GALNT9: variants seen among roughly 807,000 people sequenced by gnomAD.
The protein encoded by GALNT9 is polypeptide N-acetylgalactosaminyltransferase 9.
A neutral mutation model predicts 63.1 loss-of-function variants in GALNT9; 47 were observed. The ratio of observed to expected loss-of-function variants is 0.75; its 90% CI spans 0.59 to 0.95. The LOEUF (loss-of-function observed/expected upper bound fraction) is 0.95. Ranked by LOEUF, GALNT9 falls within the 40% of genes least tolerant of loss-of-function variation. The pLI, the probability that GALNT9 is intolerant of heterozygous loss-of-function variation, is 0.00. For missense variants in GALNT9, 829 were observed against 874.8 expected, an observed-to-expected ratio of 0.95 and a Z score of 0.66; for synonymous variants, 396 against 365.7, an observed-to-expected ratio of 1.08 and a Z score of -0.94.
At chr12:132,263,340 A>G (rs1879474659) in intron 2 of GALNT9, among the ~76,000 whole-genome samples, 1 of 152,254 alleles carries the variant, frequency 6.6e-6, no homozygotes, top group Non-Finnish European at 1.5e-5. Context: ...ACTCATCTGT[A>G]GAGGAAAAAG....
chr12:132,297,060 T>A (rs1881099647), intron 1 of GALNT9, among the ~76,000 whole-genome samples: 1 of 144,108 alleles, frequency 6.9e-6, no homozygotes, highest in South Asian at 2.2e-4. Flanking sequence ...GATAACTAAC[T>A]CACTCCGAAG....
chr12:132,258,978 G>T (rs1879260698), intron 4 of GALNT9, among the ~76,000 whole-genome samples: 3 of 152,352 alleles, frequency 2.0e-5, no homozygotes, highest in Admixed American at 2.0e-4. Flanking sequence ...CATGGGGAGA[G>T]GCAAGGCCCT....
chr12:132,327,171 A>C lies in GALNT9; in HGVS notation c.238+1795T>G, dbSNP rs1444374193. On this transcript the variant is annotated intron_variant, in intron 1 of 10. Coordinates refer to ENST00000328957, the MANE Select transcript of GALNT9 (RefSeq NM_001122636.2). This position sits in a 1 kb window ranked among gnomAD's most constrained non-coding sequence, Gnocchi z 4.3. The stretch of plus-strand genomic sequence containing the variant: ...CAAGGGAGGACAGCTAGGATGAAGG[A>C]AAGAAGGAGAAACAATTTTAAAAGA... 6.6e-6 allele frequency among the ~76,000 whole-genome samples: 1 copy of C among 152,040 alleles called. No homozygotes were observed. The highest frequency in any genetic ancestry group is 2.4e-5 in the African/African-American group (1 of 41,394).
At chr12:132,273,986 C>T (rs1291130438) in intron 2 of GALNT9, 1 of 152,690 alleles carries the variant, frequency 6.5e-6, no homozygotes, top group Non-Finnish European at 1.5e-5. Flanking sequence ...CCAGCTCGCT[C>T]CTGCTCCCAC....
chr12:132,253,159 A>G (rs1184904505), intron 5 of GALNT9, among the ~76,000 whole-genome samples: 1 of 152,224 alleles, frequency 6.6e-6, no homozygotes, highest in African/African-American at 2.4e-5. Flanking sequence ...GCTATCTACT[A>G]CGAACTCCAA....
In GALNT9 at chr12:132,197,793, TG is replaced by T; in HGVS notation, c.1663del (p.Gln555ArgfsTer6). On this transcript the variant is annotated frameshift_variant and splice_region_variant, in exon 10 of 11. Coordinates refer to ENST00000328957, the MANE Select transcript of GALNT9 (RefSeq NM_001122636.2). LOFTEE classifies it high-confidence loss of function. ...GGCCCCCCTTCCCCAGAGGCTGACC[TG>T]GGTGAAGTCCCACAGCCGCTGTGTT... ...RPTQRLWDFTQSGPIVSRATG... is the reference protein window; with the variant it reads ...RPTQRLWDFTXSGPIVSRATG... The T allele has an allele frequency of 1.6e-6, 2 of 1,223,222 alleles. No individual in the cohort carries two copies. Among genetic ancestry groups the T allele is most frequent in the Non-Finnish European group, 2.2e-6 (2 of 893,768 alleles). 75.8% of individuals were successfully genotyped at this position (1,223,222 alleles called of 1,614,324 possible). A position where few individuals can be genotyped will look rare whatever the true frequency, so the allele number is the denominator to read the frequency against.
chr12:132,246,258 G>A lies in GALNT9; in HGVS notation c.1077+1652C>T, dbSNP rs1201378426. 6.6e-6 allele frequency among the ~76,000 whole-genome samples: 1 copy of A among 152,222 alleles called. No individual in the cohort carries two copies. The highest frequency in any genetic ancestry group is 1.5e-5 in the Non-Finnish European group (1 of 68,046). On this transcript the variant is annotated intron_variant, in intron 6 of 10. Transcript: ENST00000328957. This position sits in a 1 kb window ranked among gnomAD's most constrained non-coding sequence, Gnocchi z 4.7. ...TTTTAAAAATGTGTAATTGAGGATT[G>A]ATTCTAGATGTGCAGTTTAAAATCG...
rs1880400017 is a variant in GALNT9 at position 132,282,453 on chromosome 12, G to T, written c.419+3797C>A. Among the ~76,000 whole-genome samples, 1 of 152,228 alleles carries T rather than the reference G, an allele frequency of 6.6e-6. No individual in the cohort carries two copies. The highest frequency in any genetic ancestry group is 1.5e-5 in the Non-Finnish European group (1 of 68,032). On this transcript the variant is annotated intron_variant, in intron 2 of 10. Coordinates refer to ENST00000328957, the MANE Select transcript of GALNT9 (RefSeq NM_001122636.2). The surrounding 1 kb of genome is among the most constrained non-coding windows in gnomAD (Gnocchi z 4.5). ...TGCGTGCATGCGTGTGTGTGCGTGT[G>T]CATGTGTGTGTGCACGCATGTGGTA...
chr12:132,228,082 C>T (rs963494855), intron 6 of GALNT9, among the ~76,000 whole-genome samples: 1 of 152,110 alleles, frequency 6.6e-6, no homozygotes, highest in African/African-American at 2.4e-5. Flanking sequence ...CGCCATGTGC[C>T]GCCCCAGCAG....
rs544225239 is a variant in GALNT9, at chr12:132,311,280, A to T, written c.238+17686T>A. On this transcript the variant is annotated intron_variant, in intron 1 of 10. Coordinates refer to ENST00000328957, the MANE Select transcript of GALNT9 (RefSeq NM_001122636.2). ...AGAAATCAGAGGTGCCAAATAGAAA[A>T]CTCTCCCTCCGTAAACAGGGGTGAG... Among the ~76,000 whole-genome samples, 15 of 151,502 alleles carry T rather than the reference A, an allele frequency of 9.9e-5. No homozygotes were observed. The East Asian group carries it at 2.5e-3, about 26-fold the overall frequency.
rs1555238233 is a variant in GALNT9 at position 132,247,973 on chromosome 12, G to A, written c.1014C>T (p.Asp338=). ...SFVVDREYFG[D]IGLLDPGMEV... is the part of the protein sequence containing the mutation. ...CCATGCCGGGGTCCAGCAGCCCAAT[G>A]TCTCCGAAGTACTCGCGGTCCACTA... The change falls in exon 6 of 11, where the codon GAC becomes GAT. Residue 338 remains aspartate, a synonymous_variant. Transcript: ENST00000328957. 6.4e-7 allele frequency: 1 copy of A among 1,551,522 alleles called. No homozygotes were observed. The highest frequency in any genetic ancestry group is 2.0e-5 in the Admixed American group (1 of 51,016).
intron 4 of GALNT9, 34 bp downstream of exon 4, chr12:132,260,914 T>A: frequency 6.7e-7 from 1 of 1,492,648 alleles, no homozygotes; most frequent in South Asian, 1.3e-5. Context: ...GGGGACCCGC[T>A]GAGACTGGCT....
chr12:132,240,258 C>G (rs1555236778), intron 6 of GALNT9, among the ~76,000 whole-genome samples: 4 of 152,136 alleles, frequency 2.6e-5, no homozygotes, highest in African/African-American at 9.7e-5. Context: ...ATGACCAAGT[C>G]AGGCGCCGCC....
chr12:132,329,096 C>T lies in GALNT9; in HGVS notation c.108G>A (p.Glu36=), dbSNP rs1008347431. The change falls in exon 1 of 11, where the codon GAG becomes GAA. Residue 36 remains glutamate (E), a synonymous_variant. Transcript: ENST00000328957. ...GGTCGCCGCTCACGATGCGCACGAGCTCCTGGGAGCGGCCCTGCAGGCGGC... is the reference window on the plus strand; with the variant it reads ...GGTCGCCGCTCACGATGCGCACGAGTTCCTGGGAGCGGCCCTGCAGGCGGC... The part of the protein sequence containing the change: ...VYCRLQGRSQ[E]LVRIVSGDRR... 1.3e-6 allele frequency: 2 copies of T among 1,548,948 alleles called. No homozygotes were observed. The highest frequency in any genetic ancestry group is 2.7e-5 in the African/African-American group (2 of 73,034).
At chr12:132,222,233 A>G (rs138040864) in intron 6 of GALNT9, among the ~76,000 whole-genome samples, 20,755 of 152,170 alleles carry the variant, frequency 0.14, 1,720 homozygotes, top group Non-Finnish European at 0.18. Flanking sequence ...AGATGTTCAG[A>G]TGGTCAAACA....
intron 2 of GALNT9, among the ~76,000 whole-genome samples, chr12:132,266,144 C>T (rs985441397): frequency 1.3e-5 from 2 of 149,918 alleles, no homozygotes; most frequent in Admixed American, 6.6e-5. Context: ...GCCTGTCTGC[C>T]TTTACACGCC....
intron 6 of GALNT9, among the ~76,000 whole-genome samples, chr12:132,243,839 A>G (rs2136906028): frequency 9.3e-4 from 141 of 152,132 alleles, no homozygotes; most frequent in Non-Finnish European, 1.5e-3. Flanking sequence ...TCAATCACCC[A>G]TCAATCACCG....
At chr12:132,247,386 C>T in intron 6 of GALNT9, 1 of 345,176 alleles carries the variant, frequency 2.9e-6, no homozygotes, top group Non-Finnish European at 5.8e-6. Flanking sequence ...TACAAAATTT[C>T]TCAGTGATGT....
At chr12:132,212,879 T>G (rs543024125) in intron 6 of GALNT9, among the ~76,000 whole-genome samples, 3 of 59,178 alleles carry the variant, frequency 5.1e-5, no homozygotes, top group Admixed American at 1.8e-4. Flanking sequence ...CCCTCAGACC[T>G]CGACACGGAA....
Sources: gnomAD v4.1 joint callset for allele counts (sites outside exome capture counted in the v4.1 genomes callset) on GRCh38, gnomAD v4.1.1 for gene constraint, Gnocchi (gnomAD v3.1) non-coding constraint, MANE v1.5 for transcripts, NCBI Gene and HGNC (gene_info 2026-07-23, HGNC 2026-07-21) for gene names.